The following NRK variants were observed in gnomAD, a reference collection of about 807,000 sequenced individuals.
NRK encodes Nik related kinase.
In NRK, 67 loss-of-function variants were observed where a neutral mutation model predicts 125.2. The observed-to-expected ratio is 0.54, with a 90% CI of 0.44 to 0.66. The LOEUF is 0.66. Ranked by LOEUF, NRK falls within the 30% of genes least tolerant of loss-of-function variation. NRK has a pLI of 0.00. For synonymous variants in NRK, 458 were observed against 429.0 expected, an observed-to-expected ratio of 1.07 and a Z score of -0.84; for missense variants, 1,224 against 1,192.9, an observed-to-expected ratio of 1.03 and a Z score of -0.38.
intron 2 of NRK, among the ~76,000 whole-genome samples, chrX:105,835,238 C>T (rs1414378626): frequency 9.0e-6 from 1 of 111,384 alleles, no homozygotes; most frequent in Non-Finnish European, 1.9e-5. Flanking sequence ...GATATGGTTA[C>T]TCTCAGTTCA....
At chrX:105,901,726 T>C (rs2147737118) in intron 9 of NRK, among the ~76,000 whole-genome samples, 1 of 111,729 alleles carries the variant, frequency 9.0e-6, no homozygotes, top group African/African-American at 3.2e-5. Context: ...GTGGAGATCA[T>C]GTTGCTTCTT....
chrX:105,839,660 T>C (rs2039306108), intron 2 of NRK, among the ~76,000 whole-genome samples: 2 of 112,367 alleles, frequency 1.8e-5, no homozygotes, highest in South Asian at 3.6e-4. Flanking sequence ...ATGCACAGTA[T>C]GTCCCAAGTA....
intron 2 of NRK, among the ~76,000 whole-genome samples, chrX:105,860,684 A>G (rs921900592): frequency 9.1e-6 from 1 of 110,339 alleles, no homozygotes; most frequent in Admixed American, 9.7e-5. Flanking sequence ...TTCTCTTAAC[A>G]TATATTAGGT....
At chrX:105,955,428 T>A in intron 28 of NRK, 77 bp from the exon 29 acceptor site, 1 of 566,939 alleles carries the variant, frequency 1.8e-6, no homozygotes, top group Non-Finnish European at 2.9e-6. Flanking sequence ...CAGATGCAGA[T>A]AAAATTATAG....
intron 2 of NRK, among the ~76,000 whole-genome samples, chrX:105,831,903 G>A (rs1185767148): frequency 1.8e-5 from 2 of 111,595 alleles, no homozygotes; most frequent in Non-Finnish European, 3.8e-5. Flanking sequence ...AACCAATAAA[G>A]TGTAACAACT....
At chrX:105,951,361 A>C (rs1409093462) in intron 27 of NRK, among the ~76,000 whole-genome samples, 1 of 111,278 alleles carries the variant, frequency 9.0e-6, no homozygotes, top group African/African-American at 3.3e-5. Flanking sequence ...CAGACAGGAC[A>C]ACTTCTGACC....
chrX:105,837,979 C>T (rs1043767050), intron 2 of NRK, among the ~76,000 whole-genome samples: 7 of 111,271 alleles, frequency 6.3e-5, no homozygotes, highest in African/African-American at 1.3e-4. Context: ...TGACAGTAAA[C>T]GTGTTTCTTG....
intron 21 of NRK, 27 bp downstream of exon 21, chrX:105,935,352 ATATATTTTT>A: frequency 1.9e-6 from 2 of 1,052,876 alleles, no homozygotes; most frequent in Non-Finnish European, 2.6e-6. Context: ...TTCTTAAAGA[ATATATTTTT>A]ATGTAGCAAA....
chrX:105,824,565 G>A (rs188311426), intron 1 of NRK, among the ~76,000 whole-genome samples: 274 of 107,038 alleles, frequency 2.6e-3, no homozygotes, highest in Non-Finnish European at 3.9e-3. Context: ...AGAAATGATA[G>A]GACAGGGAAT....
At chrX:105,898,352 C>T (rs2040111932) in intron 7 of NRK, among the ~76,000 whole-genome samples, 1 of 111,447 alleles carries the variant, frequency 9.0e-6, no homozygotes, top group African/African-American at 3.3e-5. Flanking sequence ...AAACAATCAG[C>T]CAAACCTACT....
intron 19 of NRK, among the ~76,000 whole-genome samples, chrX:105,933,244 C>G (rs906204483): frequency 3.6e-5 from 4 of 110,716 alleles, no homozygotes; most frequent in Admixed American, 1.9e-4. Context: ...AACAGGATGT[C>G]CCAACATAAG....
Position 105,909,144 on chromosome X carries a change from G to T in NRK, c.1503G>T (p.Gln501His). Residue 501 changes from glutamine (Q) to histidine (H), a missense_variant, in exon 13 of 29, where the codon CAG (glutamine) becomes CAT (histidine). By Grantham distance (24) the Gln-to-His change is conservative. Coordinates refer to ENST00000243300, the MANE Select transcript of NRK (RefSeq NM_198465.4). ...LQVQSQVSKK[Q>H]QAQTQTSEPQ... The stretch of plus-strand genomic sequence containing the variant: ...TACAGTCCCAGGTATCCAAAAAGCA[G>T]CAGGCCCAGACCCAGACATCAGAAC... 1 of 1,211,499 alleles carries T rather than the reference G, an allele frequency of 8.3e-7. No individual in the cohort carries two copies. The highest frequency in any genetic ancestry group is 1.1e-6 in the Non-Finnish European group (1 of 895,318).
chrX:105,935,227 A>G lies in NRK; in HGVS notation c.3557A>G (p.Asn1186Ser), dbSNP rs372760080. Residue 1186 changes from asparagine (N) to serine (S), a missense_variant, in exon 21 of 29, where the codon AAT becomes AGT. Transcript: ENST00000243300. ...TCACCTAAGCAACCCTCTGAAGTCA[A>G]TGTTAACCCACTCTATGTCTCTCCT... ...EESPKQPSEV[N>S]VNPLYVSPAC... is the part of the protein sequence containing the mutation. 47 of 1,189,027 alleles carry G rather than the reference A, an allele frequency of 4.0e-5. No individual in the cohort carries two copies. The highest frequency in any genetic ancestry group is 4.8e-5 in the Non-Finnish European group (42 of 876,893).
At chrX:105,856,045 A>C (rs1022083445) in intron 2 of NRK, among the ~76,000 whole-genome samples, 21 of 111,929 alleles carry the variant, frequency 1.9e-4, no homozygotes, top group Middle Eastern at 4.7e-3. Context: ...TTGATTAAAA[A>C]AACTCTTCTG....
intron 2 of NRK, among the ~76,000 whole-genome samples, chrX:105,863,483 T>G (rs774880443): frequency 8.9e-6 from 1 of 111,869 alleles, no homozygotes; most frequent in Non-Finnish European, 1.9e-5. Flanking sequence ...CATTTCCTTT[T>G]TATCAGTTTT....
In NRK at chrX:105,934,366, T is replaced by C. The variant is rs927807678; in HGVS notation, c.3421T>C (p.Ser1141Pro). The C allele has an allele frequency of 8.3e-7, 1 of 1,202,518 alleles. No homozygotes were observed. The highest frequency in any genetic ancestry group is 1.1e-6 in the Non-Finnish European group (1 of 887,822). ...GGACATATCAGAATCATCAACACAATCAGATTTTTCTGCCAATCACTCATC... is the reference window on the plus strand; with the variant it reads ...GGACATATCAGAATCATCAACACAACCAGATTTTTCTGCCAATCACTCATC... ...NKDISESSTQ[S>P]DFSANHSSPS... The change falls in exon 20 of 29, where the codon TCA becomes CCA. Residue 1141 changes from serine (S) to proline (P), a missense_variant. Physicochemically the swap from Ser to Pro is moderately conservative, Grantham distance 74. Coordinates refer to ENST00000243300, the MANE Select transcript of NRK (RefSeq NM_198465.4).
intron 28 of NRK, 80 bp from the exon 29 acceptor site, chrX:105,955,425 A>G: frequency 1.1e-5 from 6 of 535,219 alleles, no homozygotes; most frequent in Non-Finnish European, 1.9e-5. Flanking sequence ...TAGCAGATGC[A>G]GATAAAATTA....
rs2039514550 is a variant in NRK, at chrX:105,854,924, A to G, written c.123+23805A>G. Among the ~76,000 whole-genome samples, 3 of 112,142 alleles carry G rather than the reference A, an allele frequency of 2.7e-5. No individual in the cohort carries two copies. The South Asian group carries it at 1.1e-3, about 41-fold the overall frequency. ...GGTTTTCTCATCTATTAAATTAAGCATGATAATACTTACCTCACAGGACAT... is the reference window on the plus strand; with the variant it reads ...GGTTTTCTCATCTATTAAATTAAGCGTGATAATACTTACCTCACAGGACAT... On this transcript the variant is annotated intron_variant, in intron 2 of 28. Transcript: ENST00000243300.
intron 2 of NRK, among the ~76,000 whole-genome samples, chrX:105,836,800 A>T (rs1320287309): frequency 8.9e-6 from 1 of 112,171 alleles, no homozygotes; most frequent in Non-Finnish European, 1.9e-5. Context: ...ACTTAACCTA[A>T]GTTTAAGTTT....
Sources: allele counts gnomAD v4.1 joint callset (sites outside exome capture counted in the v4.1 genomes callset), GRCh38; gene constraint gnomAD v4.1.1; transcripts MANE v1.5; gene names NCBI Gene and HGNC (gene_info 2026-07-23, HGNC 2026-07-21).